Variants in ST6GALNAC5 observed in about 807,000 individuals in gnomAD.
ST6GALNAC5 encodes the protein ST6 N-acetylgalactosaminide alpha-2,6-sialyltransferase 5.
In ST6GALNAC5, 27 loss-of-function variants were observed where a neutral mutation model predicts 33.6. The ratio of observed to expected loss-of-function variants is 0.80; its 90% CI spans 0.59 to 1.11. The LOEUF (loss-of-function observed/expected upper bound fraction) is 1.11, where lower values mean the gene tolerates loss of function less well. Ranked by LOEUF, ST6GALNAC5 falls within the 50% of genes least tolerant of loss-of-function variation. The pLI, the probability that ST6GALNAC5 is intolerant of heterozygous loss-of-function variation, is 0.00. For missense variants in ST6GALNAC5, 428 were observed against 454.0 expected (o/e 0.94, Z 0.52); for synonymous variants, 194 against 171.2 (o/e 1.13, Z -1.04).
At chr1:77,028,411 T>C (rs986458373) in intron 2 of ST6GALNAC5, among the ~76,000 whole-genome samples, 5 of 151,830 alleles carry the variant, frequency 3.3e-5, no homozygotes, top group Non-Finnish European at 2.9e-5. Flanking sequence ...TGTACTCTTA[T>C]TAGAAATCAA....
chr1:76,971,819 G>A (rs934176848), intron 2 of ST6GALNAC5, among the ~76,000 whole-genome samples: 5 of 152,050 alleles, frequency 3.3e-5, no homozygotes, highest in Non-Finnish European at 5.9e-5. Flanking sequence ...TCACACCATC[G>A]TAAAGTCAAA....
chr1:76,928,945 T>C (rs1338048017), intron 2 of ST6GALNAC5, among the ~76,000 whole-genome samples: 1 of 152,154 alleles, frequency 6.6e-6, no homozygotes, highest in Non-Finnish European at 1.5e-5. Context: ...ATGGATTCAA[T>C]TAAGTGAGCC....
chr1:76,959,836 T>C (rs894103874), intron 2 of ST6GALNAC5, among the ~76,000 whole-genome samples: 1 of 152,222 alleles, frequency 6.6e-6, no homozygotes, highest in Admixed American at 6.5e-5. Flanking sequence ...GACATCTAGC[T>C]GGAGCCTTGC....
At chr1:76,935,732 C>T (rs1476941486) in intron 2 of ST6GALNAC5, among the ~76,000 whole-genome samples, 1 of 151,918 alleles carries the variant, frequency 6.6e-6, no homozygotes, top group Non-Finnish European at 1.5e-5. Context: ...TATAGAAAAA[C>T]ACTTGGGATT....
intron 2 of ST6GALNAC5, among the ~76,000 whole-genome samples, chr1:76,906,639 C>T (rs564867325): frequency 2.0e-5 from 3 of 152,108 alleles, no homozygotes; most frequent in African/African-American, 7.2e-5. Flanking sequence ...TGATTGATAA[C>T]ATAGGGTATA....
intron 2 of ST6GALNAC5, among the ~76,000 whole-genome samples, chr1:76,922,690 C>T (rs1161715256): frequency 6.6e-6 from 1 of 152,036 alleles, no homozygotes; most frequent in Admixed American, 6.6e-5. Flanking sequence ...CAAATATATA[C>T]AACTGATTTT....
chr1:76,935,184 G>A (rs1647188062), intron 2 of ST6GALNAC5, among the ~76,000 whole-genome samples: 1 of 152,024 alleles, frequency 6.6e-6, no homozygotes, highest in Non-Finnish European at 1.5e-5. Context: ...TGTTAAAATG[G>A]ACTACTATAA....
At chr1:76,907,753 G>A (rs543992954) in intron 2 of ST6GALNAC5, among the ~76,000 whole-genome samples, 196 of 152,196 alleles carry the variant, frequency 1.3e-3, no homozygotes, top group African/African-American at 4.4e-3. Flanking sequence ...TATAAGTGGC[G>A]CTGTGAGGAC....
At chr1:76,906,701 G>C (rs1397328763) in intron 2 of ST6GALNAC5, among the ~76,000 whole-genome samples, 2 of 152,082 alleles carry the variant, frequency 1.3e-5, no homozygotes, top group African/African-American at 4.8e-5. Context: ...AATTGGACTT[G>C]TCTCTTTTGC....
intron 2 of ST6GALNAC5, among the ~76,000 whole-genome samples, chr1:76,924,011 T>C (rs1339074973): frequency 6.6e-6 from 1 of 152,128 alleles, no homozygotes; most frequent in Non-Finnish European, 1.5e-5. Context: ...CACAGCATGA[T>C]GGTACAAAAA....
At chr1:76,964,915 T>C (rs551840826) in intron 2 of ST6GALNAC5, among the ~76,000 whole-genome samples, 17 of 152,302 alleles carry the variant, frequency 1.1e-4, no homozygotes, top group African/African-American at 4.1e-4. Flanking sequence ...GCTGCATCCA[T>C]GTCCCTGCAA....
chr1:77,050,455 T>A, intron 4 of ST6GALNAC5, 90 bp downstream of exon 4: 1 of 1,256,360 alleles, frequency 8.0e-7, no homozygotes, highest in Non-Finnish European at 1.1e-6. Context: ...GAAACATGTC[T>A]AACTGTCTTC....
In ST6GALNAC5 at chr1:77,040,610, ATG is replaced by A. The variant is rs1651800778; in HGVS notation, c.262-3590_262-3589del. On this transcript the variant is annotated intron_variant, in intron 2 of 4. Coordinates refer to ENST00000477717, the MANE Select transcript of ST6GALNAC5 (RefSeq NM_030965.3). The stretch of plus-strand genomic sequence containing the variant: ...AGGTCCTTGGAAGGCCCCTAAGGCG[ATG>A]TGTTTCACCTGCCAACCAGTCTCTG... Among the ~76,000 whole-genome samples the A allele has an allele frequency of 2.0e-5, 3 of 152,198 alleles. No homozygotes were observed. The South Asian group carries it at 6.2e-4, about 31-fold the overall frequency.
intron 2 of ST6GALNAC5, among the ~76,000 whole-genome samples, chr1:76,992,941 C>T (rs1248910746): frequency 6.6e-6 from 1 of 152,164 alleles, no homozygotes; most frequent in Non-Finnish European, 1.5e-5. Context: ...CCTTGAGCTA[C>T]CTTCCAGTTT....
chr1:76,978,587 C>T (rs149890880), intron 2 of ST6GALNAC5, among the ~76,000 whole-genome samples: 1 of 152,112 alleles, frequency 6.6e-6, no homozygotes, highest in Admixed American at 6.6e-5. Context: ...CCTTTAACGA[C>T]AAAAACTCTT....
chr1:77,047,901 T>A (rs1052335968), intron 3 of ST6GALNAC5, among the ~76,000 whole-genome samples: 1 of 152,206 alleles, frequency 6.6e-6, no homozygotes, highest in Admixed American at 6.5e-5. Context: ...TGACAGCTCT[T>A]CATATTCTTT....
intron 4 of ST6GALNAC5, among the ~76,000 whole-genome samples, chr1:77,056,013 G>A (rs1482860409): frequency 1.3e-5 from 2 of 152,126 alleles, no homozygotes; most frequent in African/African-American, 4.8e-5. Context: ...AAGTCAATGA[G>A]GGCCACATTG....
At chr1:76,998,360 C>T (rs745637073) in intron 2 of ST6GALNAC5, among the ~76,000 whole-genome samples, 2 of 151,990 alleles carry the variant, frequency 1.3e-5, no homozygotes, top group Non-Finnish European at 2.9e-5. Flanking sequence ...TGTGCCACTG[C>T]ACTGTAGCCT....
intron 2 of ST6GALNAC5, among the ~76,000 whole-genome samples, chr1:76,971,236 G>C (rs1648743041): frequency 6.6e-6 from 1 of 152,162 alleles, no homozygotes; most frequent in Non-Finnish European, 1.5e-5. Flanking sequence ...TAGGGTGATA[G>C]ACCCGTGATG....
Sources: allele counts gnomAD v4.1 joint callset (sites outside exome capture counted in the v4.1 genomes callset), GRCh38; gene constraint gnomAD v4.1.1; transcripts MANE v1.5; gene names NCBI Gene and HGNC (gene_info 2026-07-23, HGNC 2026-07-21).